EFCAB5: variants seen among roughly 807,000 people sequenced by gnomAD.
The protein encoded by EFCAB5 is EF-hand calcium-binding domain-containing protein 5.
Under a neutral mutation model 167.9 loss-of-function variants are expected in EFCAB5, and 131 were observed. That is an observed-to-expected ratio of 0.78 (90% CI 0.68 to 0.90). The LOEUF is 0.90. Among genes scored for constraint, EFCAB5 ranks in the 40% least tolerant of loss-of-function variants. The pLI is 0.00. For missense variants in EFCAB5, 1,663 were observed against 1,745.2 expected (o/e 0.95, Z 0.84); for synonymous variants, 574 against 602.8 (o/e 0.95, Z 0.70).
chr17:30,088,851 C>G (rs2071139185), intron 19 of EFCAB5, among the ~76,000 whole-genome samples: 1 of 152,210 alleles, frequency 6.6e-6, no homozygotes, highest in Admixed American at 6.5e-5. Flanking sequence ...ATCTCAAGCT[C>G]TTTTCCACAT....
chr17:30,005,373 T>C (rs2068754173), intron 7 of EFCAB5, among the ~76,000 whole-genome samples: 2 of 152,194 alleles, frequency 1.3e-5, no homozygotes, highest in Non-Finnish European at 2.9e-5. Context: ...GGCATTTTGT[T>C]TTTTAACTCT....
intron 4 of EFCAB5, among the ~76,000 whole-genome samples, chr17:29,982,740 T>C (rs1454548209): frequency 2.4e-4 from 37 of 152,226 alleles, no homozygotes; most frequent in Non-Finnish European, 5.9e-5. Context: ...CACTCAAAGT[T>C]CATGGTCAAT....
At chr17:29,936,407 T>C (rs1356456406) in intron 1 of EFCAB5, among the ~76,000 whole-genome samples, 1 of 152,084 alleles carries the variant, frequency 6.6e-6, no homozygotes, top group African/African-American at 2.4e-5. Flanking sequence ...TATACATACA[T>C]AACAAACCTG....
chr17:30,000,316 G>A (rs1016697208), intron 7 of EFCAB5, among the ~76,000 whole-genome samples: 3 of 152,132 alleles, frequency 2.0e-5, no homozygotes, highest in African/African-American at 7.2e-5. Flanking sequence ...TATCATACAT[G>A]AACTTGGTTA....
At chr17:29,976,952 T>C (rs995371393) in intron 4 of EFCAB5, among the ~76,000 whole-genome samples, 5 of 152,194 alleles carry the variant, frequency 3.3e-5, no homozygotes, top group East Asian at 1.9e-4. Context: ...TTGTAGGTTT[T>C]ATATGTGCAA....
intron 3 of EFCAB5, among the ~76,000 whole-genome samples, chr17:29,955,581 T>A (rs1310124112): frequency 6.6e-6 from 1 of 152,146 alleles, no homozygotes; most frequent in Non-Finnish European, 1.5e-5. Flanking sequence ...ATGCCTTTAT[T>A]AGCTGCATGA....
chr17:30,047,732 C>T (rs1481474036), intron 8 of EFCAB5, among the ~76,000 whole-genome samples: 2 of 152,088 alleles, frequency 1.3e-5, no homozygotes, highest in African/African-American at 4.8e-5. Context: ...GGATATAATG[C>T]CTACTAAATT....
intron 19 of EFCAB5, among the ~76,000 whole-genome samples, chr17:30,089,644 G>A (rs1178810649): frequency 6.6e-6 from 1 of 152,088 alleles, no homozygotes; most frequent in Non-Finnish European, 1.5e-5. Context: ...AGCTGCTGTA[G>A]GCACGGCCTG....
intron 3 of EFCAB5, among the ~76,000 whole-genome samples, chr17:29,952,632 T>C (rs2151539712): frequency 6.6e-6 from 1 of 152,006 alleles, no homozygotes; most frequent in Non-Finnish European, 1.5e-5. Flanking sequence ...ATACTAAGTA[T>C]AAAAAAGACT....
chr17:30,044,955 G>A (rs1420049815), intron 8 of EFCAB5, among the ~76,000 whole-genome samples: 1 of 152,124 alleles, frequency 6.6e-6, no homozygotes, highest in Non-Finnish European at 1.5e-5. Context: ...TCACACAATG[G>A]AATACTACTC....
chr17:30,007,158 C>T (rs1406392302), intron 7 of EFCAB5, among the ~76,000 whole-genome samples: 1 of 152,060 alleles, frequency 6.6e-6, no homozygotes, highest in African/African-American at 2.4e-5. Context: ...AAATAGCATA[C>T]ACAGTATTAG....
At chr17:29,999,591 T>C (rs1277376641) in intron 6 of EFCAB5, among the ~76,000 whole-genome samples, 2 of 152,178 alleles carry the variant, frequency 1.3e-5, no homozygotes, top group Non-Finnish European at 1.5e-5. Context: ...AAGGACCTGC[T>C]AGCATAAACC....
chr17:30,069,604 C>T, intron 14 of EFCAB5: 7 of 1,613,040 alleles, frequency 4.3e-6, no homozygotes, highest in Non-Finnish European at 5.9e-6. Context: ...GCTCCTTCTC[C>T]TTGCTCTTCC....
At chr17:30,069,227 G>C in intron 14 of EFCAB5, 1 of 1,547,186 alleles carries the variant, frequency 6.5e-7, no homozygotes, top group Non-Finnish European at 8.9e-7. Flanking sequence ...CCCTGCCACT[G>C]AAGAACATCC....
intron 7 of EFCAB5, among the ~76,000 whole-genome samples, chr17:30,017,640 T>C (rs1187955415): frequency 2.0e-5 from 3 of 152,184 alleles, no homozygotes; most frequent in Admixed American, 6.5e-5. Context: ...TATACATATC[T>C]GTATATCTCT....
chr17:29,988,570 A>G (rs2068340488), intron 4 of EFCAB5, among the ~76,000 whole-genome samples: 1 of 152,236 alleles, frequency 6.6e-6, no homozygotes, highest in Non-Finnish European at 1.5e-5. Flanking sequence ...GGAGAATCCA[A>G]TTAGTTAATT....
intron 3 of EFCAB5, among the ~76,000 whole-genome samples, chr17:29,954,915 G>A (rs1452975796): frequency 1.3e-5 from 2 of 152,194 alleles, no homozygotes; most frequent in African/African-American, 4.8e-5. Context: ...AGAGTCAAAC[G>A]AGATCATTTC....
chr17:29,968,989 A>C lies in EFCAB5; in HGVS notation c.389A>C (p.Gln130Pro). ...ERMEARAQAM[Q>P]QKIIDKENLK... ...ATGGAGGCAAGAGCCCAAGCAATGCAGCAGAAAATAATAGATAAGGAAAAT... is the reference window on the plus strand; with the variant it reads ...ATGGAGGCAAGAGCCCAAGCAATGCCGCAGAAAATAATAGATAAGGAAAAT... The change falls in exon 4 of 23, where the codon CAG becomes CCG. Residue 130 changes from glutamine (Q) to proline (P), a missense_variant. By Grantham distance (76) the Gln-to-Pro change is moderately conservative. Coordinates refer to ENST00000394835, the MANE Select transcript of EFCAB5 (RefSeq NM_198529.4). The C allele has an allele frequency of 6.3e-7, 1 of 1,589,860 alleles. No individual in the cohort carries two copies. Among genetic ancestry groups the C allele is most frequent in the East Asian group, 2.2e-5 (1 of 44,470 alleles).
intron 8 of EFCAB5, among the ~76,000 whole-genome samples, chr17:30,042,946 C>A (rs2069814552): frequency 6.6e-6 from 1 of 151,902 alleles, no homozygotes; most frequent in Non-Finnish European, 1.5e-5. Context: ...ATATAAGGAT[C>A]AAATAGAGCT....
Sources: gnomAD v4.1 joint callset for allele counts (sites outside exome capture counted in the v4.1 genomes callset) on GRCh38, gnomAD v4.1.1 for gene constraint, MANE v1.5 for transcripts, NCBI Gene and HGNC (gene_info 2026-07-23, HGNC 2026-07-21) for gene names.